The following PSMD13 variants were observed in gnomAD, a reference collection of about 807,000 sequenced individuals.
PSMD13 encodes 26S proteasome non-ATPase regulatory subunit 13.
PSMD13 carries 8 observed loss-of-function variants against 57.4 expected under a neutral mutation model. The ratio of observed to expected loss-of-function variants is 0.14; its 90% CI spans 0.08 to 0.25. The LOEUF (loss-of-function observed/expected upper bound fraction) is 0.25, where lower values mean the gene tolerates loss of function less well. Among genes scored for constraint, PSMD13 ranks in the 10% least tolerant of loss-of-function variants. PSMD13 has a pLI of 1.00. For missense variants in PSMD13, 400 were observed against 461.5 expected (o/e 0.87, Z 1.22); for synonymous variants, 193 against 168.2 (o/e 1.15, Z -1.14).
chr11:251,593 A>T lies in PSMD13; in HGVS notation c.885A>T (p.Glu295Asp). Residue 295 changes from glutamate to aspartate, a missense_variant, in exon 11 of 13, where the codon GAA becomes GAT. By Grantham distance (45) the Glu-to-Asp change is conservative. Transcript: ENST00000532097. This position sits in a 1 kb window ranked among gnomAD's most constrained non-coding sequence, Gnocchi z 4.6. ...PANHRQLTFE[E>D]IAKSAKITVN... ...ATCACAGACAACTCACTTTTGAAGAAATTGCCAAAAGTGCTAAAATCACAG... is the reference window on the plus strand; with the variant it reads ...ATCACAGACAACTCACTTTTGAAGATATTGCCAAAAGTGCTAAAATCACAG... 1 of 1,614,122 alleles carries T rather than the reference A, an allele frequency of 6.2e-7. No individual in the cohort carries two copies. Among genetic ancestry groups the T allele is most frequent in the Non-Finnish European group, 8.5e-7 (1 of 1,179,974 alleles).
chr11:242,713 T>C (rs1859542500), intron 2 of PSMD13, among the ~76,000 whole-genome samples: 1 of 152,192 alleles, frequency 6.6e-6, no homozygotes, highest in African/African-American at 2.4e-5. Context: ...CTGTTTTCCT[T>C]TGATACAAAT....
At chr11:241,867 G>A (rs969421253) in intron 2 of PSMD13, among the ~76,000 whole-genome samples, 1 of 152,136 alleles carries the variant, frequency 6.6e-6, no homozygotes, top group Non-Finnish European at 1.5e-5. Context: ...GTGTCCTCTG[G>A]TTCGGCCTTG....
chr11:239,494 A>G lies in PSMD13; in HGVS notation c.174+418A>G, dbSNP rs1522506. ...GAGGGTGGAGTAAGGTATGAGGAAG[A>G]TTACTATCTGTGGGAATCTTAGATA... On this transcript the variant is annotated intron_variant, in intron 2 of 12. Coordinates refer to ENST00000532097, the MANE Select transcript of PSMD13 (RefSeq NM_002817.4). Among the ~76,000 whole-genome samples, 44 of 152,312 alleles carry G rather than the reference A, an allele frequency of 2.9e-4. No homozygotes were observed. In the East Asian group the frequency reaches 7.9e-3, roughly 27 times the overall value.
intron 2 of PSMD13, 38 bp downstream of exon 2, chr11:239,114 G>A (rs1489679221): frequency 6.5e-7 from 1 of 1,532,706 alleles, no homozygotes; most frequent in Admixed American, 1.7e-5. Context: ...TTATATGAAT[G>A]TGCTCAAGGA....
intron 7 of PSMD13, 58 bp from the exon 8 acceptor site, chr11:248,718 G>A: frequency 6.6e-7 from 1 of 1,516,700 alleles, no homozygotes. Flanking sequence ...GATTTTTAAA[G>A]CTAAACAGGA....
intron 6 of PSMD13, among the ~76,000 whole-genome samples, chr11:247,034 A>G (rs1859661984): frequency 6.6e-6 from 1 of 152,132 alleles, no homozygotes; most frequent in Admixed American, 6.5e-5. Context: ...TAACGCGGTC[A>G]CATTCATCAG....
At position 249,930 on chromosome 11, in the gene PSMD13, G is replaced by A. The variant is rs559278615; in HGVS notation, c.774+873G>A. On this transcript the variant is annotated intron_variant, in intron 9 of 12. Coordinates refer to ENST00000532097, the MANE Select transcript of PSMD13 (RefSeq NM_002817.4). ...ATATAGATGAAGGCACTGTGAAGAGGCAGAAAGCACAGATGCAGCCAGACC... is the reference window on the plus strand; with the variant it reads ...ATATAGATGAAGGCACTGTGAAGAGACAGAAAGCACAGATGCAGCCAGACC... Among the ~76,000 whole-genome samples the A allele has an allele frequency of 5.5e-4, 84 of 152,166 alleles. 1 individual carries two copies. The highest frequency in any genetic ancestry group is 4.1e-3 in the Admixed American group (63 of 15,296).
intron 2 of PSMD13, among the ~76,000 whole-genome samples, chr11:240,312 G>C (rs183156029): frequency 4.6e-5 from 7 of 152,006 alleles, no homozygotes; most frequent in African/African-American, 1.4e-4. Flanking sequence ...GGTTTCACCA[G>C]TGTTGGCCAG....
At chr11:239,329 A>G (rs967429947) in intron 2 of PSMD13, among the ~76,000 whole-genome samples, 4 of 152,250 alleles carry the variant, frequency 2.6e-5, no homozygotes, top group Non-Finnish European at 1.5e-5. Flanking sequence ...GATAAGTGGC[A>G]GAAGAGGATT....
chr11:242,368 G>T (rs575489660), intron 2 of PSMD13, among the ~76,000 whole-genome samples: 1 of 150,738 alleles, frequency 6.6e-6, no homozygotes, highest in East Asian at 1.9e-4. Context: ...CATTCTGTTT[G>T]ATTAGCAAAC....
intron 2 of PSMD13, 104 bp downstream of exon 2, chr11:239,180 G>A (rs3020898): frequency 3.8e-5 from 43 of 1,146,610 alleles, no homozygotes; most frequent in Non-Finnish European, 5.5e-5. Flanking sequence ...CCAATATTCA[G>A]CAGTCACTTT....
In PSMD13 at chr11:237,110, G is replaced by C. The variant is rs1479521880; in HGVS notation, c.61G>C (p.Val21Leu). Reference protein sequence around the residue: ...SQNSGPGQPAVWHRLEELYTK... With the variant: ...SQNSGPGQPALWHRLEELYTK... ...GAACTCCGGGCCCGGGCAGCCCGCT[G>C]TGTGGCACCGTCTGGAGGAGCTCTA... Residue 21 changes from valine to leucine, a missense_variant, in exon 1 of 13, where the codon GTG becomes CTG. Val to Leu is a conservative substitution (Grantham distance 32, BLOSUM62 1). Coordinates refer to ENST00000532097, the MANE Select transcript of PSMD13 (RefSeq NM_002817.4). 6.2e-7 allele frequency: 1 copy of C among 1,612,484 alleles called. No individual in the cohort carries two copies. The highest frequency in any genetic ancestry group is 1.7e-5 in the Admixed American group (1 of 59,914).
In PSMD13 at chr11:251,728, G is replaced by T. The variant is rs200947971; in HGVS notation, c.919-92G>T. On this transcript the variant is annotated intron_variant, in intron 11 of 12. Coordinates refer to ENST00000532097, the MANE Select transcript of PSMD13 (RefSeq NM_002817.4). This position sits in a 1 kb window ranked among gnomAD's most constrained non-coding sequence, Gnocchi z 4.6. ...TGCTCCCTAGACAGTAAAAAATGAC[G>T]GGAGGAGCGGCATCTGCTTCTCACA... The T allele has an allele frequency of 1.3e-6, 2 of 1,530,100 alleles. No homozygotes were observed. The highest frequency in any genetic ancestry group is 1.7e-4 in the Middle Eastern group (1 of 5,818). The allele number at this position is 1,530,100 out of a possible 1,614,324, so 94.8% of individuals were successfully genotyped here. A position where few individuals can be genotyped will look rare whatever the true frequency, so the allele number is the denominator to read the frequency against.
chr11:237,692 T>TC (rs1859358079), intron 1 of PSMD13, among the ~76,000 whole-genome samples: 1 of 152,238 alleles, frequency 6.6e-6, no homozygotes, highest in South Asian at 2.1e-4. Flanking sequence ...TGCAACCACT[T>TC]CCGCCGTCCC....
Position 251,745 on chromosome 11 carries a change from C to T in PSMD13, c.919-75C>T. ...AAAATGACGGGAGGAGCGGCATCTG[C>T]TTCTCACAAGCCATCTGGGTCCATG... On this transcript the variant is annotated intron_variant, in intron 11 of 12. Coordinates refer to ENST00000532097, the MANE Select transcript of PSMD13 (RefSeq NM_002817.4). The surrounding 1 kb of genome is among the most constrained non-coding windows in gnomAD (Gnocchi z 4.6). 1.3e-6 allele frequency: 2 copies of T among 1,543,052 alleles called. No individual in the cohort carries two copies. The highest frequency in any genetic ancestry group is 3.4e-5 in the Admixed American group (2 of 58,264).
chr11:247,028 G>A (rs72865316), intron 6 of PSMD13, among the ~76,000 whole-genome samples: 24,341 of 151,976 alleles, frequency 0.16, 2,479 homozygotes, highest in Non-Finnish European at 0.22. Flanking sequence ...CCATTTTAAC[G>A]CGGTCACATT....
In PSMD13 at chr11:249,062, G is replaced by T. The variant is rs1445231994; in HGVS notation, c.774+5G>T. 13 of 1,610,976 alleles carry T rather than the reference G, an allele frequency of 8.1e-6. No individual in the cohort carries two copies. The highest frequency in any genetic ancestry group is 1.1e-5 in the Non-Finnish European group (13 of 1,180,014). ...AAGACTGCCTGGGGCCAGCAGGTAG[G>T]ACTCCCACGATGCCCAGCCCTTATT... On this transcript the variant is annotated splice_donor_5th_base_variant and intron_variant, in intron 9 of 12. Coordinates refer to ENST00000532097, the MANE Select transcript of PSMD13 (RefSeq NM_002817.4).
Position 251,811 on chromosome 11 carries a change from T to C in PSMD13, c.919-9T>C, listed in dbSNP as rs1859770463. The stretch of plus-strand genomic sequence containing the variant: ...ATCTTGTCTTACACACGCCTCCCTC[T>C]CTGCACAGGTGGAGCTTCTGGTGAT... On this transcript the variant is annotated splice_polypyrimidine_tract_variant and intron_variant, in intron 11 of 12. Transcript: ENST00000532097. The surrounding 1 kb of genome is among the most constrained non-coding windows in gnomAD (Gnocchi z 4.6). 1.2e-6 allele frequency: 2 copies of C among 1,613,138 alleles called. No individual in the cohort carries two copies. Among genetic ancestry groups the C allele is most frequent in the Admixed American group, 1.7e-5 (1 of 59,948 alleles).
rs1005405488 is a variant in PSMD13, at chr11:252,683, C to T, written c.*83C>T. On this transcript the variant is annotated 3_prime_UTR_variant, in exon 13 of 13. Coordinates refer to ENST00000532097, the MANE Select transcript of PSMD13 (RefSeq NM_002817.4). This position sits in a 1 kb window ranked among gnomAD's most constrained non-coding sequence, Gnocchi z 4.1. ...CAATGAAGCTGGCTGCTCAGACGGT[C>T]GACATTGAATTTGGGTGGGGGTTGG... 11 of 1,326,064 alleles carry T rather than the reference C, an allele frequency of 8.3e-6. No homozygotes were observed. The African/African-American group carries it at 8.7e-5, about 11-fold the overall frequency. 82.1% of individuals were successfully genotyped at this position (1,326,064 alleles called of 1,614,324 possible).
Sources: allele counts gnomAD v4.1 joint callset (sites outside exome capture counted in the v4.1 genomes callset), GRCh38; gene constraint gnomAD v4.1.1; non-coding constraint Gnocchi (gnomAD v3.1); transcripts MANE v1.5; gene names NCBI Gene and HGNC (gene_info 2026-07-23, HGNC 2026-07-21).